Variants in ATR observed in about 807,000 individuals in gnomAD.
The protein encoded by ATR is ATR checkpoint kinase, also known as serine/threonine-protein kinase ATR.
ATR carries 142 observed loss-of-function variants against 305.3 expected under a neutral mutation model. The observed-to-expected ratio is 0.47, with a 90% CI of 0.41 to 0.53. The LOEUF is 0.53. Among genes scored for constraint, ATR ranks in the 20% least tolerant of loss-of-function variants. ATR has a pLI of 0.00. For missense variants in ATR, 2,135 were observed against 3,133.1 expected (o/e 0.68, Z 7.60); for synonymous variants, 1,050 against 1,068.1 (o/e 0.98, Z 0.33).
At position 142,544,452 on chromosome 3, in the gene ATR, C is replaced by CAAAA. The variant is rs57120276; in HGVS notation, c.3358-1699_3358-1696dup. 6.9e-4 allele frequency among the ~76,000 whole-genome samples: 13 copies of CAAAA among 18,968 alleles called. 1 individual carries two copies. Among genetic ancestry groups the CAAAA allele is most frequent in the East Asian group, 2.3e-3 (1 of 432 alleles). 12.4% of individuals were successfully genotyped at this position (18,968 alleles called of 152,430 possible). ...GGGTGACAGAGCAAAATCCTGCCTC[C>CAAAA]AAAAAAAAAAAAAAAAAAAAAAAAA... On this transcript the variant is annotated intron_variant, in intron 16 of 46. Transcript: ENST00000350721.
At chr3:142,498,569 A>G (rs1261190752) in intron 32 of ATR, 28 bp downstream of exon 32, 24 of 1,608,168 alleles carry the variant, frequency 1.5e-5, no homozygotes, top group Non-Finnish European at 2.0e-5. Context: ...TATAGGCCAG[A>G]AATATAAAAA....
Position 142,562,595 on chromosome 3 carries a change from A to G in ATR, c.807T>C (p.Phe269=), listed in dbSNP as rs2034922983. 1.9e-6 allele frequency: 3 copies of G among 1,613,968 alleles called. No individual in the cohort carries two copies. Among genetic ancestry groups the G allele is most frequent in the Non-Finnish European group, 8.5e-7 (1 of 1,180,002 alleles). ...GGLPAQPAST[F]FSSFLELLKH... Reference sequence around the variant, plus strand: ...TTAATAATTCCAAAAATGAGCTGAAAAAAGTGCTAGCTGGTTGTGCTGGTA... The same window carrying G: ...TTAATAATTCCAAAAATGAGCTGAAGAAAGTGCTAGCTGGTTGTGCTGGTA... Residue 269 remains phenylalanine (F), a synonymous_variant, in exon 4 of 47, where the codon TTT becomes TTC. Coordinates refer to ENST00000350721, the MANE Select transcript of ATR (RefSeq NM_001184.4).
chr3:142,498,853 T>A (rs2031792744), intron 31 of ATR, 79 bp from the exon 32 acceptor site: 2 of 1,378,318 alleles, frequency 1.5e-6, no homozygotes, highest in Non-Finnish European at 1.0e-6. Flanking sequence ...GATAAAATGG[T>A]CAGCTGAAAT....
chr3:142,529,818 T>C (rs867902876), intron 21 of ATR, among the ~76,000 whole-genome samples: 1 of 152,120 alleles, frequency 6.6e-6, no homozygotes, highest in South Asian at 2.1e-4. Context: ...TCCTTGCAAG[T>C]AATTTTTTGA....
chr3:142,535,310 CA>C (rs759410581), intron 20 of ATR, 105 bp from the exon 21 acceptor site: 14 of 1,318,784 alleles, frequency 1.1e-5, no homozygotes, highest in Non-Finnish European at 1.5e-5. Context: ...TATACCAAAC[CA>C]ATTTTTTAAA....
In ATR at chr3:142,469,489, C is replaced by G. The variant is rs2108279315; in HGVS notation, c.6400G>C (p.Ala2134Pro). Residue 2134 changes from alanine to proline, a missense_variant, in exon 38 of 47, where the codon GCT becomes CCT. Coordinates refer to ENST00000350721, the MANE Select transcript of ATR (RefSeq NM_001184.4). Reference sequence around the variant, plus strand: ...AAAGCAGTCAAAAATTGATATGGAGCTAAATAGTTTGTATGCTCTGTGATA... The same window carrying G: ...AAAGCAGTCAAAAATTGATATGGAGGTAAATAGTTTGTATGCTCTGTGATA... ...KVITEHTNYL[A>P]PYQFLTAFSQ... 1 of 1,613,748 alleles carries G rather than the reference C, an allele frequency of 6.2e-7. No homozygotes were observed. The highest frequency in any genetic ancestry group is 8.5e-7 in the Non-Finnish European group (1 of 1,179,762).
At chr3:142,460,260 A>G (rs2070996117) in intron 42 of ATR, among the ~76,000 whole-genome samples, 1 of 152,172 alleles carries the variant, frequency 6.6e-6, no homozygotes, top group African/African-American at 2.4e-5. Context: ...ATAGTGATTT[A>G]TCAGTATTAC....
chr3:142,465,110 G>T lies in ATR; in HGVS notation c.7028C>A (p.Ser2343Tyr). The T allele has an allele frequency of 6.5e-7, 1 of 1,530,516 alleles. No individual in the cohort carries two copies. The highest frequency in any genetic ancestry group is 8.8e-7 in the Non-Finnish European group (1 of 1,136,388). The allele number at this position is 1,530,516 out of a possible 1,614,324, so 94.8% of individuals were successfully genotyped here. ...RKDCRLMEFN[S>Y]LINKCLRKDA... ...CTATCTCCCAACCTTATTAATCAAGGAATTGAATTCCATTAGTCTACAATC... is the reference window on the plus strand; with the variant it reads ...CTATCTCCCAACCTTATTAATCAAGTAATTGAATTCCATTAGTCTACAATC... Residue 2343 changes from serine to tyrosine, a missense_variant, in exon 41 of 47, where the codon TCC (serine) becomes TAC (tyrosine). Transcript: ENST00000350721.
rs948725152 is a variant in ATR at position 142,550,792 on chromosome 3, A to AT, written c.2806-491dup. Among the ~76,000 whole-genome samples, 91 of 147,380 alleles carry AT rather than the reference A, an allele frequency of 6.2e-4. 1 individual carries two copies. Among genetic ancestry groups the AT allele is most frequent in the African/African-American group, 1.2e-3 (48 of 40,178 alleles). On this transcript the variant is annotated intron_variant, in intron 13 of 46. Transcript: ENST00000350721. The stretch of plus-strand genomic sequence containing the variant: ...ACAAAATACATCGTTTTTGACAATA[A>AT]TTTTTTTTTTTTAAAGACAGAGTCT...
At chr3:142,452,593 G>T in intron 46 of ATR, 1 of 741,878 alleles carries the variant, frequency 1.3e-6, no homozygotes. Context: ...AGAACTGCTT[G>T]AACCCAGGAG....
chr3:142,505,401 T>G (rs1324603998), intron 28 of ATR, 98 bp from the exon 29 acceptor site: 4 of 1,459,344 alleles, frequency 2.7e-6, no homozygotes, highest in South Asian at 1.2e-5. Flanking sequence ...AGCAATTTTT[T>G]GAGAAATTTT....
intron 24 of ATR, among the ~76,000 whole-genome samples, chr3:142,516,984 A>ATATATATATATATATATATAT (rs2032892222): frequency 7.9e-5 from 11 of 139,128 alleles, no homozygotes; most frequent in African/African-American, 2.7e-4. Flanking sequence ...ATACCCAAAT[A>ATATATATATATATATATATAT]ATATATATAT....
At position 142,457,723 on chromosome 3, in the gene ATR, T is replaced by G; in HGVS notation, c.7536A>C (p.Pro2512=). The G allele has an allele frequency of 6.2e-7, 1 of 1,614,060 alleles. No homozygotes were observed. Among genetic ancestry groups the G allele is most frequent in the Non-Finnish European group, 8.5e-7 (1 of 1,179,952 alleles). ...GETFEVPEIV[P]FRLTHNMVNG... ...TAACCATATTATGAGTCAGGCGAAA[T>G]GGCACAATTTCTGGAACTTCAAAGG... The change falls in exon 45 of 47, where the codon CCA becomes CCC. Residue 2512 remains proline (P), a synonymous_variant. Transcript: ENST00000350721.
intron 36 of ATR, among the ~76,000 whole-genome samples, chr3:142,484,294 T>C: frequency 6.6e-6 from 1 of 152,184 alleles, no homozygotes; most frequent in East Asian, 1.9e-4. Context: ...TTATGAGCTA[T>C]TTGTCCACTC....
chr3:142,506,458 C>A (rs549261706), intron 28 of ATR, among the ~76,000 whole-genome samples: 1 of 152,224 alleles, frequency 6.6e-6, no homozygotes, highest in East Asian at 1.9e-4. Context: ...CTTTGAGAGG[C>A]CAAGGCAGGC....
chr3:142,505,766 G>T (rs181321824), intron 28 of ATR, among the ~76,000 whole-genome samples: 1 of 152,182 alleles, frequency 6.6e-6, no homozygotes, highest in Admixed American at 6.5e-5. Flanking sequence ...TTAGGAATCA[G>T]TTAGCACAAA....
chr3:142,485,099 C>T (rs1204956981), intron 36 of ATR, 41 bp downstream of exon 36: 2 of 1,609,330 alleles, frequency 1.2e-6, no homozygotes, highest in African/African-American at 2.7e-5. Context: ...AATAGTCATC[C>T]TTACATATTT....
intron 13 of ATR, among the ~76,000 whole-genome samples, chr3:142,551,658 T>C (rs1334194117): frequency 1.3e-5 from 2 of 152,064 alleles, no homozygotes; most frequent in Non-Finnish European, 2.9e-5. Flanking sequence ...CCTCACACCA[T>C]ATACAAAAAT....
chr3:142,482,885 C>T (rs904796314), intron 36 of ATR, among the ~76,000 whole-genome samples: 1 of 151,124 alleles, frequency 6.6e-6, no homozygotes, highest in Non-Finnish European at 1.5e-5. Context: ...CATTTTGCTA[C>T]CCTAATACCA....
Sources: allele counts gnomAD v4.1 joint callset (sites outside exome capture counted in the v4.1 genomes callset), GRCh38; gene constraint gnomAD v4.1.1; transcripts MANE v1.5; gene names NCBI Gene and HGNC (gene_info 2026-07-23, HGNC 2026-07-21).